The following CCDC102B variants were observed in gnomAD, a reference collection of about 807,000 sequenced individuals.
CCDC102B encodes coiled-coil domain-containing protein 102B.
In CCDC102B, 75 loss-of-function variants were observed where a neutral mutation model predicts 57.4. The observed-to-expected ratio is 1.31, with a 90% CI of 1.08 to 1.58. The LOEUF (loss-of-function observed/expected upper bound fraction) is 1.58. CCDC102B is among the 40% of genes most tolerant of loss of function. The probability of loss-of-function intolerance (pLI) is 0.00; values close to 1 mark genes in which losing one functional copy is unlikely to be tolerated. For missense variants in CCDC102B, 636 were observed against 582.6 expected (o/e 1.09, Z -0.94); for synonymous variants, 206 against 201.9 (o/e 1.02, Z -0.17).
intron 6 of CCDC102B, among the ~76,000 whole-genome samples, chr18:68,936,438 A>G (rs564428333): frequency 2.6e-5 from 4 of 152,128 alleles, no homozygotes; most frequent in Admixed American, 2.6e-4. Flanking sequence ...CAGTAAAGGC[A>G]GTAAGATTCT....
chr18:68,922,811 G>A (rs1203012745), intron 6 of CCDC102B, among the ~76,000 whole-genome samples: 1 of 141,272 alleles, frequency 7.1e-6, no homozygotes, highest in Non-Finnish European at 1.6e-5. Flanking sequence ...CCCATTGGGG[G>A]AAAGGATATT....
At chr18:68,930,251 A>G (rs917035782) in intron 6 of CCDC102B, among the ~76,000 whole-genome samples, 6 of 148,658 alleles carry the variant, frequency 4.0e-5, no homozygotes, top group Admixed American at 2.0e-4. Flanking sequence ...AATATATACA[A>G]TTATATGCAT....
intron 4 of CCDC102B, among the ~76,000 whole-genome samples, chr18:68,867,313 G>A (rs1442497003): frequency 6.6e-6 from 1 of 152,134 alleles, no homozygotes; most frequent in East Asian, 1.9e-4. Flanking sequence ...TAAATATGGA[G>A]TGGCTGCAAA....
At chr18:68,748,656 G>A (rs574265711) in intron 2 of CCDC102B, among the ~76,000 whole-genome samples, 1 of 152,234 alleles carries the variant, frequency 6.6e-6, no homozygotes, top group Non-Finnish European at 1.5e-5. Flanking sequence ...GCCTAAAGCC[G>A]AGTGCTTTAG....
In CCDC102B at chr18:68,837,369, G is replaced by C. The variant is rs1317571098; in HGVS notation, c.606G>C (p.Lys202Asn). ...CTACAAAGGAGGACACAAATAATAA[G>C]GTAAGAAAAAAATCCAGAGATGATG... is the stretch of plus-strand genomic sequence containing the variant. ...QFSTKEDTNN[K>N]EQGVVIDSLK... Residue 202 changes from lysine to asparagine, a missense_variant and splice_region_variant, in exon 2 of 8, where the codon AAG (lysine) becomes AAC (asparagine). Coordinates refer to ENST00000360242, the MANE Select transcript of CCDC102B (RefSeq NM_024781.3). 6.3e-7 allele frequency: 1 copy of C among 1,596,132 alleles called. No homozygotes were observed. The highest frequency in any genetic ancestry group is 1.4e-5 in the African/African-American group (1 of 73,840).
rs1321490398 is a variant in CCDC102B at position 68,956,538 on chromosome 18, T to A, written c.1264-54396T>A. On this transcript the variant is annotated intron_variant, in intron 6 of 7. Coordinates refer to ENST00000360242, the MANE Select transcript of CCDC102B (RefSeq NM_024781.3). ...ATCGCATATTATATATATTATATAT[T>A]TTATATATATAAATATTATATATAT... Among the ~76,000 whole-genome samples, 2 of 9,394 alleles carry A rather than the reference T, an allele frequency of 2.1e-4. 1 individual carries two copies. The highest frequency in any genetic ancestry group is 1.0e-3 in the African/African-American group (2 of 1,998). The allele number at this position is 9,394 out of a possible 152,430, so 6.2% of individuals were successfully genotyped here.
chr18:68,764,742 A>C (rs1009166217), intron 2 of CCDC102B, among the ~76,000 whole-genome samples: 3 of 152,088 alleles, frequency 2.0e-5, no homozygotes, highest in African/African-American at 7.2e-5. Flanking sequence ...AATATCCATC[A>C]ACACTTTCTA....
At chr18:68,999,745 A>G (rs2051149826) in intron 6 of CCDC102B, among the ~76,000 whole-genome samples, 1 of 152,152 alleles carries the variant, frequency 6.6e-6, no homozygotes, top group African/African-American at 2.4e-5. Flanking sequence ...CCCCTATTCT[A>G]CTTATCCTTA....
chr18:69,032,526 G>C (rs763360618), intron 7 of CCDC102B, among the ~76,000 whole-genome samples: 2 of 152,102 alleles, frequency 1.3e-5, no homozygotes, highest in Non-Finnish European at 2.9e-5. Context: ...TGAGGTACTG[G>C]TTATAAATAG....
chr18:68,790,007 T>C (rs1339429839), intron 2 of CCDC102B, among the ~76,000 whole-genome samples: 19 of 149,854 alleles, frequency 1.3e-4, no homozygotes, highest in East Asian at 4.0e-4. Context: ...GATGGGTTTT[T>C]GGTGTGGATG....
intron 6 of CCDC102B, among the ~76,000 whole-genome samples, chr18:68,928,546 G>T (rs1010353319): frequency 2.6e-5 from 4 of 151,754 alleles, no homozygotes; most frequent in African/African-American, 9.7e-5. Context: ...AGAATAAAAG[G>T]CATGCTTTGG....
At chr18:68,862,362 C>T (rs1208022423) in intron 4 of CCDC102B, among the ~76,000 whole-genome samples, 1 of 152,094 alleles carries the variant, frequency 6.6e-6, no homozygotes, top group Admixed American at 6.6e-5. Context: ...TTGAAACAGG[C>T]ACTGAACCCT....
intron 1 of CCDC102B, among the ~76,000 whole-genome samples, chr18:68,803,907 A>G (rs181012648): frequency 2.2e-3 from 333 of 152,210 alleles, no homozygotes; most frequent in African/African-American, 7.7e-3. Context: ...CTTTATTCTG[A>G]GTTTGATGGG....
intron 6 of CCDC102B, among the ~76,000 whole-genome samples, chr18:68,986,998 C>G (rs2050741625): frequency 6.6e-6 from 1 of 152,076 alleles, no homozygotes; most frequent in South Asian, 2.1e-4. Context: ...CCATACTGCA[C>G]AAAGCAATTT....
intron 1 of CCDC102B, among the ~76,000 whole-genome samples, chr18:68,810,947 T>G (rs1470595216): frequency 6.6e-6 from 1 of 152,102 alleles, no homozygotes; most frequent in Non-Finnish European, 1.5e-5. Flanking sequence ...GAACATGCAG[T>G]GTTTGGTTTT....
intron 7 of CCDC102B, among the ~76,000 whole-genome samples, chr18:69,041,108 CA>C (rs1033645931): frequency 6.6e-6 from 1 of 151,494 alleles, no homozygotes; most frequent in East Asian, 1.9e-4. Context: ...TATTATTGAG[CA>C]AAAAAAATGA....
At chr18:68,776,453 G>T (rs894738428) in intron 2 of CCDC102B, among the ~76,000 whole-genome samples, 1 of 152,088 alleles carries the variant, frequency 6.6e-6, no homozygotes, top group Non-Finnish European at 1.5e-5. Context: ...AGAAAATGTG[G>T]TACATATACA....
intron 1 of CCDC102B, chr18:68,715,590 G>A (rs887968058): frequency 3.3e-5 from 5 of 152,232 alleles, no homozygotes; most frequent in African/African-American, 7.2e-5. Context: ...AATGCAGCAA[G>A]CTTTAATGCA....
chr18:69,033,007 T>G (rs1175575750), intron 7 of CCDC102B, among the ~76,000 whole-genome samples: 1 of 152,172 alleles, frequency 6.6e-6, no homozygotes, highest in African/African-American at 2.4e-5. Flanking sequence ...CAATTCTTGT[T>G]AGATTTTTTA....
Sources: allele counts gnomAD v4.1 joint callset (sites outside exome capture counted in the v4.1 genomes callset), GRCh38; gene constraint gnomAD v4.1.1; transcripts MANE v1.5; gene names NCBI Gene and HGNC (gene_info 2026-07-23, HGNC 2026-07-21).